ERCC6: variants seen among roughly 807,000 people sequenced by gnomAD.
The protein encoded by ERCC6 is ERCC excision repair 6, chromatin remodeling factor.
A neutral mutation model predicts 158.7 loss-of-function variants in ERCC6; 116 were observed. The observed-to-expected ratio is 0.73, with a 90% CI of 0.63 to 0.85. The LOEUF is 0.85. ERCC6 is among the 40% of genes least tolerant of loss of function. ERCC6 has a pLI of 0.00. For missense variants in ERCC6, 1,698 were observed against 1,799.4 expected (o/e 0.94, Z 1.02); for synonymous variants, 678 against 659.3 (o/e 1.03, Z -0.43).
intron 7 of ERCC6, 39 bp downstream of exon 7, chr10:49,500,499 T>TTCATCA (rs753645499): frequency 6.2e-7 from 1 of 1,605,118 alleles, no homozygotes; most frequent in Non-Finnish European, 8.5e-7. Flanking sequence ...AAATATTAAT[T>TTCATCA]GAGCTCCACA....
intron 18 of ERCC6, 112 bp from the exon 19 acceptor site, chr10:49,461,668 C>T (rs1850586406): frequency 1.0e-6 from 1 of 1,002,740 alleles, no homozygotes; most frequent in Admixed American, 2.0e-5. Flanking sequence ...TGATAGTACA[C>T]TTAGAAAACC....
chr10:49,534,750 T>C (rs1837558824), intron 1 of ERCC6, among the ~76,000 whole-genome samples: 1 of 152,232 alleles, frequency 6.6e-6, no homozygotes, highest in African/African-American at 2.4e-5. Flanking sequence ...AAATCAGTCT[T>C]GCTTTTTGTT....
At chr10:49,474,293 GATTCCCT>G in intron 12 of ERCC6, 51 bp from the exon 13 acceptor site, 2 of 1,435,106 alleles carry the variant, frequency 1.4e-6, no homozygotes, top group Non-Finnish European at 9.8e-7. Flanking sequence ...TGTAAAGTAA[GATTCCCT>G]AGGCAAGGAG....
intron 5 of ERCC6, chr10:49,516,734 T>C: frequency 6.2e-7 from 1 of 1,614,134 alleles, no homozygotes; most frequent in South Asian, 1.1e-5. Context: ...GTGCTGTAAC[T>C]CTACCTGCTA....
intron 5 of ERCC6, among the ~76,000 whole-genome samples, chr10:49,508,961 G>A (rs1189299185): frequency 2.0e-5 from 3 of 152,146 alleles, no homozygotes. Flanking sequence ...GGCAGGCTGA[G>A]TAGTCTGTCT....
rs1015542622 is a variant in ERCC6, at chr10:49,457,678, C to T, written c.*1137G>A. ...ATCCAAGAAACAAACTGCACTAAGA[C>T]AGCTAAGAAGAAATTTCAGGAATAC... On this transcript the variant is annotated 3_prime_UTR_variant, in exon 21 of 21. Transcript: ENST00000355832. 1 of 152,152 alleles carries T rather than the reference C, an allele frequency of 6.6e-6. No homozygotes were observed. The highest frequency in any genetic ancestry group is 2.4e-5 in the African/African-American group (1 of 41,426). 9.4% of individuals were successfully genotyped at this position (152,152 alleles called of 1,614,324 possible).
At chr10:49,435,475 G>A in the ERCC6 span, among the ~76,000 whole-genome samples, 3 of 152,148 alleles carry the variant, frequency 2.0e-5, no homozygotes, top group East Asian at 1.9e-4. Context: ...GCAGAGCACA[G>A]TCTCTGACCA....
rs780434796 is a variant in ERCC6 at position 49,532,822 on chromosome 10, C to T, written c.143G>A (p.Arg48His). 19 of 1,614,070 alleles carry T rather than the reference C, an allele frequency of 1.2e-5. No individual in the cohort carries two copies. The highest frequency in any genetic ancestry group is 1.6e-4 in the Middle Eastern group (1 of 6,084). The change falls in exon 2 of 21, where the codon CGT becomes CAT. Residue 48 changes from arginine (R) to histidine (H), a missense_variant. Transcript: ENST00000355832. The part of the protein sequence containing the change: ...DGEVEEYLSF[R>H]SVGDGLSTSA... ...GGTGGACAGCCCGTCACCCACAGAA[C>T]GAAAGGAGAGGTACTCCTCCACCTC... is the stretch of plus-strand genomic sequence containing the variant.
chr10:49,527,435 G>C (rs530119828), intron 4 of ERCC6, among the ~76,000 whole-genome samples: 7 of 152,326 alleles, frequency 4.6e-5, no homozygotes, highest in African/African-American at 1.4e-4. Flanking sequence ...AGTACTTTGG[G>C]AGGCCAAGGT....
intron 6 of ERCC6, 30 bp from the exon 7 acceptor site, chr10:49,500,726 G>C (rs1389268484): frequency 6.2e-7 from 1 of 1,611,432 alleles, no homozygotes; most frequent in Non-Finnish European, 8.5e-7. Flanking sequence ...CAAGAAAAGA[G>C]AAAATGGCAA....
At chr10:49,495,286 C>T (rs1851248164) in intron 7 of ERCC6, among the ~76,000 whole-genome samples, 2 of 152,120 alleles carry the variant, frequency 1.3e-5, no homozygotes, top group Non-Finnish European at 2.9e-5. Context: ...CAAGAGGCAA[C>T]TAAAAACTGG....
intron 5 of ERCC6, among the ~76,000 whole-genome samples, chr10:49,510,263 T>G (rs764808047): frequency 2.0e-5 from 3 of 152,156 alleles, no homozygotes; most frequent in Admixed American, 6.5e-5. Flanking sequence ...CCATTTAAAG[T>G]TAATTTATTT....
rs1476500969 is a variant in ERCC6 at position 49,470,873 on chromosome 10, A to C, written c.3087T>G (p.Val1029=). Residue 1029 remains valine, a synonymous_variant, in exon 18 of 21, where the codon GTT becomes GTG. Transcript: ENST00000355832. The part of the protein sequence containing the change: ...SAIFAGTGSD[V]QTPKCHLKRR... The stretch of plus-strand genomic sequence containing the variant: ...TTTTTAGATGGCATTTGGGTGTCTG[A>C]ACATCTGATCCAGTTCCTGTAAAGA... 6.8e-6 allele frequency: 11 copies of C among 1,613,928 alleles called. No individual in the cohort carries two copies. The highest frequency in any genetic ancestry group is 1.3e-5 in the African/African-American group (1 of 75,024).
chr10:49,473,418 G>T, intron 14 of ERCC6, 59 bp downstream of exon 14: 1 of 1,117,454 alleles, frequency 8.9e-7, no homozygotes, highest in Non-Finnish European at 1.4e-6. Context: ...GATACGCTTA[G>T]TCCTTTCCCT....
At position 49,470,538 on chromosome 10, in the gene ERCC6, G is replaced by A; in HGVS notation, c.3422C>T (p.Pro1141Leu). 6.2e-7 allele frequency: 1 copy of A among 1,614,130 alleles called. No homozygotes were observed. The highest frequency in any genetic ancestry group is 8.5e-7 in the Non-Finnish European group (1 of 1,180,034). ...NSSGTGKTSM[P>L]SGDESIDEKL... The stretch of plus-strand genomic sequence containing the variant: ...TTCATCAATGCTTTCATCACCAGAT[G>A]GCATAGAAGTTTTGCCTGTTCCTGA... Residue 1141 changes from proline (P) to leucine (L), a missense_variant, in exon 18 of 21, where the codon CCA becomes CTA. Coordinates refer to ENST00000355832, the MANE Select transcript of ERCC6 (RefSeq NM_000124.4).
At chr10:49,528,367 C>T (rs760457758) in intron 4 of ERCC6, 50 bp downstream of exon 4, 24 of 1,595,090 alleles carry the variant, frequency 1.5e-5, no homozygotes, top group Non-Finnish European at 2.0e-5. Context: ...TGACTACAGG[C>T]ATCAGGCATC....
intron 2 of ERCC6, 138 bp from the exon 3 acceptor site, chr10:49,530,978 C>T (rs1837456829): frequency 4.1e-6 from 5 of 1,205,160 alleles, no homozygotes; most frequent in African/African-American, 3.1e-5. Flanking sequence ...AGAATACATA[C>T]CCTTATTGGC....
rs115095595 is a variant in ERCC6, at chr10:49,500,570, G to A, written c.1653C>T (p.Tyr551=). 6.2e-7 allele frequency: 1 copy of A among 1,613,846 alleles called. No individual in the cohort carries two copies. The highest frequency in any genetic ancestry group is 2.2e-5 in the East Asian group (1 of 44,888). The change falls in exon 7 of 21, where the codon TAC becomes TAT. Residue 551 remains tyrosine (Y), a synonymous_variant. Transcript: ENST00000355832. The stretch of plus-strand genomic sequence containing the variant: ...TTGAACCACGAGTCCTGATCTTGCT[G>A]TAGCTCAGACCTGCCAAGAAGGCAA... ...QIIAFLAGLS[Y]SKIRTRGSNY...
the ERCC6 span, among the ~76,000 whole-genome samples, chr10:49,441,746 C>G: frequency 1.3e-5 from 2 of 152,246 alleles, no homozygotes; most frequent in African/African-American, 2.4e-5. Context: ...GCAGCGCCAG[C>G]CCCGCTGTGC....
Sources: gnomAD v4.1 joint callset for allele counts (sites outside exome capture counted in the v4.1 genomes callset) on GRCh38, gnomAD v4.1.1 for gene constraint, MANE v1.5 for transcripts, NCBI Gene and HGNC (gene_info 2026-07-23, HGNC 2026-07-21) for gene names.